NXPE4: variants seen among roughly 807,000 people sequenced by gnomAD.
NXPE4 encodes neurexophilin and PC-esterase domain family member 4.
In NXPE4, 42 loss-of-function variants were observed where a neutral mutation model predicts 33.3. That is an observed-to-expected ratio of 1.26 (90% CI 0.98 to 1.63). The LOEUF is 1.63. Among genes scored for constraint, NXPE4 ranks in the 40% most tolerant of loss-of-function variants. NXPE4 has a pLI of 0.00. For synonymous variants in NXPE4, 253 were observed against 234.9 expected (o/e 1.08, Z -0.71); for missense variants, 709 against 647.6 (o/e 1.09, Z -1.03).
the NXPE4 span, among the ~76,000 whole-genome samples, chr11:114,630,857 G>A: frequency 2.0e-5 from 3 of 151,746 alleles, no homozygotes; most frequent in East Asian, 5.8e-4. Context: ...TCAAAAAGTG[G>A]GCAAAGGACA....
chr11:114,620,571 T>C, the NXPE4 span, among the ~76,000 whole-genome samples: 27 of 152,028 alleles, frequency 1.8e-4, no homozygotes. Context: ...TGTTACGCGG[T>C]GGATAATAAG....
At chr11:114,632,092 AAATAT>A in the NXPE4 span, among the ~76,000 whole-genome samples, 1 of 145,208 alleles carries the variant, frequency 6.9e-6, no homozygotes, top group African/African-American at 2.5e-5. Context: ...ATTATATTGT[AAATAT>A]AATGTAATAT....
At chr11:114,677,981 G>A in the NXPE4 span, among the ~76,000 whole-genome samples, 1 of 152,098 alleles carries the variant, frequency 6.6e-6, no homozygotes. Flanking sequence ...TCAAGTTGCA[G>A]TGAGATTTAG....
chr11:114,636,020 G>C, the NXPE4 span, among the ~76,000 whole-genome samples: 2 of 151,904 alleles, frequency 1.3e-5, no homozygotes, highest in Non-Finnish European at 2.9e-5. Flanking sequence ...CTATTGATTG[G>C]AATAGTTTCA....
At chr11:114,600,025 A>G (rs1297301344), upstream of NXPE4, among the ~76,000 whole-genome samples, 2 of 152,178 alleles carry the variant, frequency 1.3e-5, no homozygotes, top group Non-Finnish European at 2.9e-5. Flanking sequence ...CAACTAACAA[A>G]TATGGCAAAA....
upstream of NXPE4, among the ~76,000 whole-genome samples, chr11:114,598,143 G>T (rs1383932440): frequency 6.6e-6 from 1 of 152,180 alleles, no homozygotes; most frequent in Non-Finnish European, 1.5e-5. Flanking sequence ...AGCAGCTACA[G>T]GCTTCATGCA....
At chr11:114,581,850 T>A in intron 3 of NXPE4, 64 bp from the exon 4 acceptor site, 2 of 1,090,914 alleles carry the variant, frequency 1.8e-6, no homozygotes, top group Non-Finnish European at 2.8e-6. Context: ...ATACAGAAAC[T>A]AGATTATCCA....
chr11:114,610,553 G>C, the NXPE4 span, among the ~76,000 whole-genome samples: 1 of 102,414 alleles, frequency 9.8e-6, no homozygotes. Flanking sequence ...GTGTTGCCTC[G>C]TGGTTAACCA....
At chr11:114,605,229 T>C in the NXPE4 span, among the ~76,000 whole-genome samples, 1 of 151,942 alleles carries the variant, frequency 6.6e-6, no homozygotes, top group African/African-American at 2.4e-5. Flanking sequence ...GGGTAACTGC[T>C]GTTACCCACT....
At chr11:114,573,658 A>G (rs1374556351) in intron 5 of NXPE4, among the ~76,000 whole-genome samples, 3 of 152,076 alleles carry the variant, frequency 2.0e-5, no homozygotes, top group Admixed American at 2.0e-4. Flanking sequence ...ATTCAACAGG[A>G]AAATACCACA....
At chr11:114,588,810 C>T (rs552747976) in intron 2 of NXPE4, among the ~76,000 whole-genome samples, 4 of 152,314 alleles carry the variant, frequency 2.6e-5, no homozygotes, top group Admixed American at 2.6e-4. Flanking sequence ...TAATAAAACA[C>T]ACCTTCTTGT....
At position 114,570,700 on chromosome 11, in the gene NXPE4, A is replaced by G. The variant is rs1047871686; in HGVS notation, c.*238T>C. On this transcript the variant is annotated 3_prime_UTR_variant, in exon 6 of 6. Transcript: ENST00000375478. Reference sequence around the variant, plus strand: ...TGACTTCCCATTGGTGAAGAGGGGTATGGCTCTGATCAAGAAGGGTAGGCT... The same window carrying G: ...TGACTTCCCATTGGTGAAGAGGGGTGTGGCTCTGATCAAGAAGGGTAGGCT... 21 of 359,754 alleles carry G rather than the reference A, an allele frequency of 5.8e-5. No homozygotes were observed. Among genetic ancestry groups the G allele is most frequent in the Non-Finnish European group, 9.4e-5 (19 of 201,872 alleles). 22.3% of individuals were successfully genotyped at this position (359,754 alleles called of 1,614,324 possible). A position where few individuals can be genotyped will look rare whatever the true frequency, so the allele number is the denominator to read the frequency against.
At chr11:114,650,859 T>C in the NXPE4 span, among the ~76,000 whole-genome samples, 1 of 151,988 alleles carries the variant, frequency 6.6e-6, no homozygotes, top group East Asian at 1.9e-4. Context: ...ACTGCTGCCC[T>C]ACCCCAAGAA....
intron 5 of NXPE4, among the ~76,000 whole-genome samples, chr11:114,572,453 T>G (rs1948912630): frequency 6.6e-6 from 1 of 152,026 alleles, no homozygotes; most frequent in African/African-American, 2.4e-5. Context: ...AAGTCCAACT[T>G]AAATTAAAAA....
chr11:114,577,115 A>G (rs1949026614), intron 5 of NXPE4, among the ~76,000 whole-genome samples: 1 of 142,438 alleles, frequency 7.0e-6, no homozygotes, highest in South Asian at 2.2e-4. Context: ...ATATATACAC[A>G]TATATATAAA....
the NXPE4 span, among the ~76,000 whole-genome samples, chr11:114,625,174 C>T: frequency 6.6e-6 from 1 of 152,074 alleles, no homozygotes; most frequent in Non-Finnish European, 1.5e-5. Context: ...ACCACTGTTA[C>T]CCAGTGGATA....
At chr11:114,653,933 T>C in the NXPE4 span, among the ~76,000 whole-genome samples, 1 of 152,138 alleles carries the variant, frequency 6.6e-6, no homozygotes, top group Non-Finnish European at 1.5e-5. Context: ...GTTCCCATGA[T>C]GTCTTGAAAC....
chr11:114,585,557 A>G lies in NXPE4; in HGVS notation c.97-2536T>C, dbSNP rs113638189. ...AGAAGGTCATTATGTAATAATAAAG[A>G]GATCAATTCATCAAGAGAAAATGAC... On this transcript the variant is annotated intron_variant, in intron 2 of 5. Coordinates refer to ENST00000375478, the MANE Select transcript of NXPE4 (RefSeq NM_001077639.2). Among the ~76,000 whole-genome samples the G allele has an allele frequency of 3.5e-3, 536 of 152,292 alleles. 3 individuals are homozygous for G. Among genetic ancestry groups the G allele is most frequent in the African/African-American group, 0.012 (511 of 41,566 alleles).
At chr11:114,654,567 T>G in the NXPE4 span, among the ~76,000 whole-genome samples, 1 of 152,080 alleles carries the variant, frequency 6.6e-6, no homozygotes, top group Non-Finnish European at 1.5e-5. Context: ...GTGAGAACAT[T>G]CGGTGTTTGG....
Sources: gnomAD v4.1 joint callset for allele counts (sites outside exome capture counted in the v4.1 genomes callset) on GRCh38, gnomAD v4.1.1 for gene constraint, MANE v1.5 for transcripts, NCBI Gene and HGNC (gene_info 2026-07-23, HGNC 2026-07-21) for gene names.